Variants in RAD51B observed in about 807,000 individuals in gnomAD.
RAD51B encodes RAD51 paralog B.
A neutral mutation model predicts 42.2 loss-of-function variants in RAD51B; 38 were observed. The observed-to-expected ratio is 0.90, with a 90% confidence interval of 0.70 to 1.18. RAD51B has a LOEUF of 1.18. RAD51B is among the 50% of genes most tolerant of loss of function. The pLI, the probability that RAD51B is intolerant of heterozygous loss-of-function variation, is 0.00. For missense variants in RAD51B, 373 were observed against 400.7 expected, an observed-to-expected ratio of 0.93 and a Z score of 0.59; for synonymous variants, 154 against 145.2, an observed-to-expected ratio of 1.06 and a Z score of -0.43.
intron 10 of RAD51B, among the ~76,000 whole-genome samples, chr14:68,553,329 T>C (rs1888670579): frequency 6.6e-6 from 1 of 152,156 alleles, no homozygotes; most frequent in African/African-American, 2.4e-5. Context: ...GTAAGCAGTG[T>C]AGAAAGAAAC....
chr14:68,445,353 C>T (rs192599948), intron 9 of RAD51B, among the ~76,000 whole-genome samples: 1 of 152,198 alleles, frequency 6.6e-6, no homozygotes, highest in Admixed American at 6.5e-5. Context: ...TTACTGATTT[C>T]CAATTCAATA....
At chr14:67,983,390 G>T (rs549639182) in intron 7 of RAD51B, among the ~76,000 whole-genome samples, 2 of 152,148 alleles carry the variant, frequency 1.3e-5, no homozygotes, top group East Asian at 3.9e-4. Context: ...ACATAAGAAG[G>T]CCTATGTAGT....
chr14:68,381,999 A>G (rs2083488110), intron 8 of RAD51B, among the ~76,000 whole-genome samples: 1 of 152,218 alleles, frequency 6.6e-6, no homozygotes. Flanking sequence ...ATATAAAGTA[A>G]GATTTGGGAT....
chr14:68,619,450 A>C (rs1160527667), intron 10 of RAD51B, among the ~76,000 whole-genome samples: 2 of 147,752 alleles, frequency 1.4e-5, no homozygotes, highest in African/African-American at 5.0e-5. Flanking sequence ...TGACAGAGTG[A>C]GACTCCATCT....
intron 4 of RAD51B, among the ~76,000 whole-genome samples, chr14:67,850,314 T>G (rs1020155530): frequency 1.3e-5 from 2 of 152,252 alleles, no homozygotes; most frequent in African/African-American, 4.8e-5. Flanking sequence ...TTTTTGTAGA[T>G]ATTTTCATGC....
chr14:68,432,054 A>T (rs559867768), intron 9 of RAD51B, among the ~76,000 whole-genome samples: 354 of 152,210 alleles, frequency 2.3e-3, no homozygotes, highest in African/African-American at 7.8e-3. Flanking sequence ...CATGTAGTTG[A>T]GCGGTTTTGA....
At chr14:68,216,738 A>G (rs1051437149) in intron 7 of RAD51B, among the ~76,000 whole-genome samples, 11 of 152,180 alleles carry the variant, frequency 7.2e-5, no homozygotes, top group African/African-American at 2.4e-4. Flanking sequence ...ATGGATTTAC[A>G]TATCACCTCC....
chr14:68,139,861 C>T (rs1209191469), intron 7 of RAD51B, among the ~76,000 whole-genome samples: 3 of 152,134 alleles, frequency 2.0e-5, no homozygotes, highest in South Asian at 2.1e-4. Flanking sequence ...CTGTTTTTGG[C>T]GAGGACAGGC....
chr14:68,515,748 ATTTCTTTCTTTC>A (rs146518606), intron 10 of RAD51B, among the ~76,000 whole-genome samples: 1 of 135,302 alleles, frequency 7.4e-6, no homozygotes, highest in African/African-American at 2.7e-5. Flanking sequence ...AGGTGAACCA[ATTTCTTTCTTTC>A]TTTCTTTCTT....
chr14:68,294,645 A>G (rs541670124), intron 8 of RAD51B, among the ~76,000 whole-genome samples: 2 of 152,350 alleles, frequency 1.3e-5, no homozygotes, highest in South Asian at 4.1e-4. Flanking sequence ...TTCCAGCTCT[A>G]GCATATAAGA....
At chr14:68,456,869 A>ATTTTTT (rs71129889) in intron 9 of RAD51B, among the ~76,000 whole-genome samples, 3 of 66,460 alleles carry the variant, frequency 4.5e-5, no homozygotes, top group Non-Finnish European at 9.1e-5. Flanking sequence ...CAATGGAATG[A>ATTTTTT]TTTTTTTTTT....
At chr14:68,604,814 C>CATGG (rs374516172) in intron 10 of RAD51B, among the ~76,000 whole-genome samples, 26,139 of 152,094 alleles carry the variant, frequency 0.17, 2,411 homozygotes, top group Non-Finnish European at 0.21. Context: ...GAGCCTAGCA[C>CATGG]TCAGGGCTCC....
intron 5 of RAD51B, among the ~76,000 whole-genome samples, chr14:67,868,609 C>T (rs1389787878): frequency 6.6e-6 from 1 of 152,240 alleles, no homozygotes; most frequent in African/African-American, 2.4e-5. Context: ...CTGCCTGCCT[C>T]TGTAGGCTCC....
At chr14:68,413,046 C>T (rs1022786484) in intron 9 of RAD51B, among the ~76,000 whole-genome samples, 6 of 152,138 alleles carry the variant, frequency 3.9e-5, no homozygotes, top group Non-Finnish European at 7.4e-5. Context: ...CTGTTACACA[C>T]GGAATTTATG....
chr14:68,498,419 T>A (rs941507589), intron 10 of RAD51B, among the ~76,000 whole-genome samples: 11 of 152,228 alleles, frequency 7.2e-5, no homozygotes, highest in Non-Finnish European at 1.6e-4. Context: ...TTCACTTCTT[T>A]CCAGTTAGTC....
intron 7 of RAD51B, among the ~76,000 whole-genome samples, chr14:68,249,009 C>T (rs954875559): frequency 1.3e-5 from 2 of 152,254 alleles, no homozygotes; most frequent in Non-Finnish European, 2.9e-5. Flanking sequence ...GGCAGAGGGG[C>T]AGCAGTGGCT....
At position 67,964,629 on chromosome 14, in the gene RAD51B, T is replaced by C. The variant is rs118117558; in HGVS notation, c.756+77425T>C. ...GTGAGGTTTTTTCTTTTTCTTTTTTTTTCCCCCATATTGTTAAAATGGCTC... is the reference window on the plus strand; with the variant it reads ...GTGAGGTTTTTTCTTTTTCTTTTTTCTTCCCCCATATTGTTAAAATGGCTC... On this transcript the variant is annotated intron_variant, in intron 7 of 10. Transcript: ENST00000471583. Among the ~76,000 whole-genome samples the C allele has an allele frequency of 2.2e-4, 33 of 152,362 alleles. No homozygotes were observed. In the East Asian group the frequency reaches 6.0e-3, roughly 28 times the overall value.
intron 10 of RAD51B, among the ~76,000 whole-genome samples, chr14:68,644,842 TA>T (rs1164452973): frequency 5.3e-5 from 8 of 152,136 alleles, no homozygotes; most frequent in African/African-American, 9.7e-5. Context: ...AAGAAGAGAA[TA>T]AAAATAACCT....
chr14:67,920,678 T>A (rs2044294409), intron 7 of RAD51B, among the ~76,000 whole-genome samples: 2 of 152,188 alleles, frequency 1.3e-5, no homozygotes, highest in South Asian at 4.1e-4. Context: ...CATTAGTTAA[T>A]CCAGTCAACA....
Sources: allele counts gnomAD v4.1 joint callset (sites outside exome capture counted in the v4.1 genomes callset), GRCh38; gene constraint gnomAD v4.1.1; transcripts MANE v1.5; gene names NCBI Gene and HGNC (gene_info 2026-07-23, HGNC 2026-07-21).